Variants in GAB2 observed in about 807,000 individuals in gnomAD.
The protein encoded by GAB2 is GRB2 associated binding protein 2.
GAB2 carries 26 observed loss-of-function variants against 65.5 expected under a neutral mutation model. The observed-to-expected ratio is 0.40, with a 90% CI of 0.29 to 0.55. The LOEUF is 0.55. GAB2 is among the 20% of genes least tolerant of loss of function. The pLI, the probability that GAB2 is intolerant of heterozygous loss-of-function variation, is 0.53. For synonymous variants in GAB2, 321 were observed against 329.6 expected, an observed-to-expected ratio of 0.97 and a Z score of 0.28; for missense variants, 884 against 875.8, an observed-to-expected ratio of 1.01 and a Z score of -0.12.
intron 1 of GAB2, among the ~76,000 whole-genome samples, chr11:78,416,627 G>A (rs1003661197): frequency 5.9e-5 from 9 of 152,128 alleles, no homozygotes; most frequent in Non-Finnish European, 1.3e-4. Context: ...AACGGAGAGG[G>A]AGCAGATGAG....
At chr11:78,316,545 G>A (rs1401615297) in intron 1 of GAB2, among the ~76,000 whole-genome samples, 1 of 152,158 alleles carries the variant, frequency 6.6e-6, no homozygotes, top group African/African-American at 2.4e-5. Context: ...ATGAAAAGAT[G>A]CTCATGTCAC....
At chr11:78,227,918 C>A (rs1188720629) in intron 3 of GAB2, among the ~76,000 whole-genome samples, 1 of 152,132 alleles carries the variant, frequency 6.6e-6, no homozygotes, top group Non-Finnish European at 1.5e-5. Flanking sequence ...AGATCTCTTT[C>A]CAGAGACCTA....
intron 4 of GAB2, 58 bp from the exon 5 acceptor site, chr11:78,225,260 C>T: frequency 1.8e-6 from 2 of 1,118,264 alleles, no homozygotes; most frequent in East Asian, 2.4e-5. Context: ...TTGACACTTA[C>T]CCATACCCTC....
intron 1 of GAB2, among the ~76,000 whole-genome samples, chr11:78,301,760 T>C (rs927016540): frequency 2.0e-5 from 3 of 152,172 alleles, no homozygotes; most frequent in South Asian, 2.1e-4. Context: ...AAAGAACAAA[T>C]CTGGAGGCAT....
chr11:78,312,808 C>G (rs1309897206), intron 1 of GAB2, among the ~76,000 whole-genome samples: 1 of 152,058 alleles, frequency 6.6e-6, no homozygotes. Context: ...AGTTATAAAT[C>G]GACAAAGCAA....
intron 1 of GAB2, among the ~76,000 whole-genome samples, chr11:78,326,829 C>T (rs1256589061): frequency 6.6e-6 from 1 of 152,098 alleles, no homozygotes; most frequent in East Asian, 1.9e-4. Flanking sequence ...CAGTTCTGAC[C>T]CGGTAAAATT....
chr11:78,301,383 G>A (rs930501026), intron 1 of GAB2, among the ~76,000 whole-genome samples: 1 of 147,632 alleles, frequency 6.8e-6, no homozygotes, highest in Admixed American at 6.8e-5. Flanking sequence ...AGGCTGGAGT[G>A]CAATGGCGTG....
rs771678554 is a variant in GAB2 at position 78,221,666 on chromosome 11, G to A, written c.1761+11C>T. 1.5e-5 allele frequency: 23 copies of A among 1,570,162 alleles called. No homozygotes were observed. Among genetic ancestry groups the A allele is most frequent in the African/African-American group, 5.4e-5 (4 of 73,974 alleles). The stretch of plus-strand genomic sequence containing the variant: ...GAAAGGCGTCATTCCAGCGAAGCCC[G>A]AAGGACTCACCATAGGGACATAGTT... On this transcript the variant is annotated intron_variant, in intron 8 of 9. Transcript: ENST00000361507.
chr11:78,246,995 C>G (rs1865317152), intron 3 of GAB2, among the ~76,000 whole-genome samples: 1 of 152,176 alleles, frequency 6.6e-6, no homozygotes, highest in Admixed American at 6.5e-5. Context: ...TTAGAAGATC[C>G]CTTCTCCAGC....
intron 2 of GAB2, among the ~76,000 whole-genome samples, chr11:78,265,218 A>G (rs906316822): frequency 6.7e-6 from 1 of 149,988 alleles, no homozygotes; most frequent in Non-Finnish European, 1.5e-5. Context: ...ATATATATAT[A>G]TATATAAAAG....
intron 1 of GAB2, among the ~76,000 whole-genome samples, chr11:78,376,489 G>A (rs1196949859): frequency 1.3e-5 from 2 of 152,184 alleles, no homozygotes; most frequent in Non-Finnish European, 2.9e-5. Flanking sequence ...TAGTTAGTAA[G>A]TAATGGGATT....
At chr11:78,354,327 C>T (rs1856324623) in intron 1 of GAB2, among the ~76,000 whole-genome samples, 1 of 152,112 alleles carries the variant, frequency 6.6e-6, no homozygotes, top group Non-Finnish European at 1.5e-5. Context: ...AGTATTAATT[C>T]ATAAATTGTT....
intron 1 of GAB2, among the ~76,000 whole-genome samples, chr11:78,371,636 C>A (rs564799493): frequency 6.6e-6 from 1 of 152,210 alleles, no homozygotes; most frequent in Non-Finnish European, 1.5e-5. Flanking sequence ...TCTTTGGTGT[C>A]CACCTTTGCT....
intron 1 of GAB2, among the ~76,000 whole-genome samples, chr11:78,368,897 C>T (rs569245981): frequency 1.1e-4 from 16 of 151,664 alleles, no homozygotes; most frequent in African/African-American, 2.4e-4. Context: ...GGAAACACAG[C>T]GAGACCCCAT....
chr11:78,341,870 C>T, intron 1 of GAB2: 1 of 986,216 alleles, frequency 1.0e-6, no homozygotes, highest in Non-Finnish European at 1.2e-6. Context: ...CCCACCACTT[C>T]TCAAAATTTC....
At chr11:78,300,038 A>G (rs1866949166) in intron 1 of GAB2, among the ~76,000 whole-genome samples, 1 of 152,136 alleles carries the variant, frequency 6.6e-6, no homozygotes, top group African/African-American at 2.4e-5. Context: ...TGTATTTACC[A>G]TCTAACCACC....
intron 1 of GAB2, among the ~76,000 whole-genome samples, chr11:78,300,052 T>C (rs1408554628): frequency 1.3e-5 from 2 of 152,170 alleles, no homozygotes; most frequent in African/African-American, 2.4e-5. Context: ...AACCACCACT[T>C]CAATCAAGAC....
chr11:78,382,137 T>TG (rs375822374), intron 1 of GAB2, among the ~76,000 whole-genome samples: 303 of 152,334 alleles, frequency 2.0e-3, no homozygotes, highest in African/African-American at 6.4e-3. Context: ...AAGCCTTCTC[T>TG]GAATATTCCC....
chr11:78,287,666 T>C (rs1166200298), intron 1 of GAB2, among the ~76,000 whole-genome samples: 2 of 150,884 alleles, frequency 1.3e-5, no homozygotes, highest in African/African-American at 4.9e-5. Context: ...TTTTTTTTTT[T>C]GAGACAGAGT....
Sources: gnomAD v4.1 joint callset for allele counts (sites outside exome capture counted in the v4.1 genomes callset) on GRCh38, gnomAD v4.1.1 for gene constraint, MANE v1.5 for transcripts, NCBI Gene and HGNC (gene_info 2026-07-23, HGNC 2026-07-21) for gene names.